SPON1: variants seen among roughly 807,000 people sequenced by gnomAD.
SPON1 encodes the protein spondin 1, also known as spondin-1.
Under a neutral mutation model 111.7 loss-of-function variants are expected in SPON1, and 52 were observed. The observed-to-expected ratio is 0.47, with a 90% CI of 0.37 to 0.59. SPON1 has a LOEUF of 0.59. Among genes scored for constraint, SPON1 ranks in the 20% least tolerant of loss-of-function variants. The probability of loss-of-function intolerance (pLI) is 0.00; values close to 1 mark genes in which losing one functional copy is unlikely to be tolerated. For synonymous variants in SPON1, 410 were observed against 395.8 expected, an observed-to-expected ratio of 1.04 and a Z score of -0.43; for missense variants, 957 against 1,068.5, an observed-to-expected ratio of 0.90 and a Z score of 1.46.
intron 6 of SPON1, among the ~76,000 whole-genome samples, chr11:14,239,569 ACAAAAATT>A (rs1170573881): frequency 3.3e-5 from 5 of 152,174 alleles, no homozygotes; most frequent in Non-Finnish European, 5.9e-5. Context: ...CTACAAAAAT[ACAAAAATT>A]AGCCATGAGT....
intron 1 of SPON1, among the ~76,000 whole-genome samples, chr11:13,964,596 G>T (rs1306932981): frequency 6.6e-6 from 1 of 152,202 alleles, no homozygotes; most frequent in Non-Finnish European, 1.5e-5. Context: ...TGAGCACTTT[G>T]CGAGGAACAG....
At chr11:14,099,624 TAGTC>T (rs1432735254) in intron 5 of SPON1, among the ~76,000 whole-genome samples, 4 of 152,226 alleles carry the variant, frequency 2.6e-5, no homozygotes, top group African/African-American at 7.2e-5. Context: ...AATTTCTAAG[TAGTC>T]AGAGAGTTTT....
intron 6 of SPON1, among the ~76,000 whole-genome samples, chr11:14,204,772 C>T (rs1848500006): frequency 6.6e-6 from 1 of 152,044 alleles, no homozygotes; most frequent in African/African-American, 2.4e-5. Context: ...GCAAGCTCCG[C>T]CTCCCGGGTT....
intron 8 of SPON1, 104 bp from the exon 9 acceptor site, chr11:14,255,543 T>C (rs933495525): frequency 1.9e-6 from 2 of 1,042,262 alleles, no homozygotes; most frequent in Middle Eastern, 2.1e-4. Flanking sequence ...GTTATGCTTG[T>C]TAAATTCCTA....
chr11:14,092,419 A>G (rs1010761418), intron 5 of SPON1, among the ~76,000 whole-genome samples: 4 of 152,336 alleles, frequency 2.6e-5, no homozygotes, highest in African/African-American at 7.2e-5. Flanking sequence ...ATAGCAACCT[A>G]AGGTGTCTGA....
chr11:14,204,255 G>C, intron 6 of SPON1, among the ~76,000 whole-genome samples: 1 of 152,128 alleles, frequency 6.6e-6, no homozygotes, highest in South Asian at 2.1e-4. Context: ...AGTCAGAAAA[G>C]TTATTTCCTC....
intron 2 of SPON1, among the ~76,000 whole-genome samples, chr11:14,018,739 G>C (rs1215967700): frequency 6.6e-6 from 1 of 152,182 alleles, no homozygotes; most frequent in Non-Finnish European, 1.5e-5. Flanking sequence ...ATTAGGGAGA[G>C]TGTAGCACAG....
intron 1 of SPON1, among the ~76,000 whole-genome samples, chr11:13,965,532 C>T (rs374717040): frequency 2.0e-5 from 3 of 152,188 alleles, no homozygotes; most frequent in East Asian, 3.8e-4. Context: ...TAGGGAGTGT[C>T]CTGGACTTTC....
intron 5 of SPON1, among the ~76,000 whole-genome samples, chr11:14,119,717 A>C (rs967155107): frequency 7.2e-5 from 11 of 152,124 alleles, no homozygotes; most frequent in South Asian, 6.2e-4. Context: ...TACTTGCCAC[A>C]TGTGATACAC....
At chr11:14,145,568 A>G (rs1847707519) in intron 6 of SPON1, among the ~76,000 whole-genome samples, 1 of 152,216 alleles carries the variant, frequency 6.6e-6, no homozygotes. Context: ...AAGAAAACAC[A>G]TAATATTTAC....
chr11:14,228,132 A>G lies in SPON1; in HGVS notation c.826-15200A>G, dbSNP rs551601066. Among the ~76,000 whole-genome samples, 64 of 152,320 alleles carry G rather than the reference A, an allele frequency of 4.2e-4. No individual in the cohort carries two copies. Among genetic ancestry groups the G allele is most frequent in the African/African-American group, 1.4e-3 (60 of 41,578 alleles). ...TTGCTGAAATTAAATGACTGCTCAC[A>G]ATCTCGATGCAATGCTGACCCTCGT... On this transcript the variant is annotated intron_variant, in intron 6 of 15. Coordinates refer to ENST00000576479, the MANE Select transcript of SPON1 (RefSeq NM_006108.4). This position sits in a 1 kb window ranked among gnomAD's most constrained non-coding sequence, Gnocchi z 4.2.
At chr11:14,156,522 G>A (rs1289080111) in intron 6 of SPON1, among the ~76,000 whole-genome samples, 1 of 150,564 alleles carries the variant, frequency 6.6e-6, no homozygotes, top group South Asian at 2.1e-4. Context: ...GTCAATTTTG[G>A]CTTTTGTTGC....
intron 6 of SPON1, among the ~76,000 whole-genome samples, chr11:14,214,381 G>C (rs1445191219): frequency 6.6e-6 from 1 of 152,170 alleles, no homozygotes; most frequent in Non-Finnish European, 1.5e-5. Context: ...CCCTTGCATA[G>C]ATAGGTGGTT....
intron 6 of SPON1, among the ~76,000 whole-genome samples, chr11:14,233,326 G>A (rs568691824): frequency 1.1e-4 from 16 of 152,058 alleles, no homozygotes; most frequent in South Asian, 6.2e-4. Flanking sequence ...GCCCTATGTC[G>A]CCAGACACAG....
At chr11:14,014,615 T>A (rs1848431514) in intron 2 of SPON1, among the ~76,000 whole-genome samples, 1 of 152,186 alleles carries the variant, frequency 6.6e-6, no homozygotes, top group South Asian at 2.1e-4. Flanking sequence ...TCACTGTGCA[T>A]GAGAGATGGC....
At chr11:14,233,763 T>TC (rs1432241555) in intron 6 of SPON1, among the ~76,000 whole-genome samples, 3 of 142,104 alleles carry the variant, frequency 2.1e-5, no homozygotes, top group Admixed American at 7.0e-5. Context: ...TTTTTCTTTT[T>TC]TTTTTTTTTT....
rs1214264538 is a variant in SPON1, at chr11:14,266,412, T to C, written c.*725T>C. The C allele has an allele frequency of 2.6e-5, 4 of 152,166 alleles. No individual in the cohort carries two copies. The highest frequency in any genetic ancestry group is 9.7e-5 in the African/African-American group (4 of 41,442). The allele number at this position is 152,166 out of a possible 1,614,324, so 9.4% of individuals were successfully genotyped here. A position where few individuals can be genotyped will look rare whatever the true frequency, so the allele number is the denominator to read the frequency against. On this transcript the variant is annotated 3_prime_UTR_variant, in exon 16 of 16. Coordinates refer to ENST00000576479, the MANE Select transcript of SPON1 (RefSeq NM_006108.4). ...ATAAATAATAAGCTTAGAGTGTATTTTTCCCTTGCTTTTGGGGGTTCAGAG... is the reference window on the plus strand; with the variant it reads ...ATAAATAATAAGCTTAGAGTGTATTCTTCCCTTGCTTTTGGGGGTTCAGAG...
chr11:14,139,519 A>G (rs1554928538), intron 6 of SPON1, among the ~76,000 whole-genome samples: 1 of 152,186 alleles, frequency 6.6e-6, no homozygotes, highest in African/African-American at 2.4e-5. Context: ...TGCTTCCTAA[A>G]TGTTTCTTGA....
intron 3 of SPON1, among the ~76,000 whole-genome samples, chr11:14,063,239 G>T (rs144591081): frequency 6.6e-6 from 1 of 152,052 alleles, no homozygotes; most frequent in Non-Finnish European, 1.5e-5. Context: ...TCACACAGAC[G>T]CTCCAGAATG....
Sources: allele counts gnomAD v4.1 joint callset (sites outside exome capture counted in the v4.1 genomes callset), GRCh38; gene constraint gnomAD v4.1.1; non-coding constraint Gnocchi (gnomAD v3.1); transcripts MANE v1.5; gene names NCBI Gene and HGNC (gene_info 2026-07-23, HGNC 2026-07-21).